AGAP1: variants seen among roughly 807,000 people sequenced by gnomAD.
AGAP1 encodes ArfGAP with GTPase domain, ankyrin repeat and PH domain 1.
AGAP1 carries 29 observed loss-of-function variants against 105.3 expected under a neutral mutation model. That is an observed-to-expected ratio of 0.28 (90% CI 0.21 to 0.38). The LOEUF (loss-of-function observed/expected upper bound fraction) is 0.38. Among genes scored for constraint, AGAP1 ranks in the 10% least tolerant of loss-of-function variants. The probability of loss-of-function intolerance (pLI) is 1.00; values close to 1 mark genes in which losing one functional copy is unlikely to be tolerated. For synonymous variants in AGAP1, 509 were observed against 485.9 expected, an observed-to-expected ratio of 1.05 and a Z score of -0.63; for missense variants, 998 against 1,165.1, an observed-to-expected ratio of 0.86 and a Z score of 2.09.
chr2:236,095,751 G>T lies in AGAP1; in HGVS notation c.2115-24441G>T, dbSNP rs2059176708. Among the ~76,000 whole-genome samples the T allele has an allele frequency of 6.6e-6, 1 of 152,162 alleles. No homozygotes were observed. The highest frequency in any genetic ancestry group is 6.5e-5 in the Admixed American group (1 of 15,274). On this transcript the variant is annotated intron_variant, in intron 16 of 17. Coordinates refer to ENST00000304032, the MANE Select transcript of AGAP1 (RefSeq NM_001037131.3). This position sits in a 1 kb window ranked among gnomAD's most constrained non-coding sequence, Gnocchi z 4.1. ...ACTTTTAAAAATTTTGACATATGAA[G>T]AAGTATATTAGTTCAGGGCTAGATT...
intron 9 of AGAP1, among the ~76,000 whole-genome samples, chr2:235,827,078 T>C (rs1559534358): frequency 6.6e-6 from 1 of 152,194 alleles, no homozygotes; most frequent in Non-Finnish European, 1.5e-5. Flanking sequence ...TAGTGCGGCT[T>C]GTGCGTCTCC....
chr2:235,684,640 A>T (rs148470517), intron 1 of AGAP1, among the ~76,000 whole-genome samples: 1,571 of 152,170 alleles, frequency 0.01, 82 homozygotes, highest in Admixed American at 0.081. Context: ...GGATCCATAC[A>T]CACTTACCTC....
intron 1 of AGAP1, among the ~76,000 whole-genome samples, chr2:235,516,055 TCTGCTGCTGCTG>T (rs112761133): frequency 0.18 from 24,501 of 138,596 alleles, 2,272 homozygotes; most frequent in East Asian, 0.31. Context: ...CATGGGCTCC[TCTGCTGCTGCTG>T]CTGCTGCTGC....
chr2:235,634,906 C>G (rs533215968), intron 1 of AGAP1, among the ~76,000 whole-genome samples: 20 of 152,204 alleles, frequency 1.3e-4, no homozygotes, highest in African/African-American at 4.1e-4. Context: ...TGTGTTTGTT[C>G]CATGTACGAG....
chr2:235,850,049 C>T (rs1962009299), intron 9 of AGAP1, among the ~76,000 whole-genome samples: 1 of 152,210 alleles, frequency 6.6e-6, no homozygotes, highest in Non-Finnish European at 1.5e-5. Flanking sequence ...CAGGTCTGGC[C>T]TGGCACCTGC....
intron 12 of AGAP1, among the ~76,000 whole-genome samples, chr2:235,955,465 C>G (rs1051127357): frequency 2.0e-5 from 3 of 152,168 alleles, no homozygotes; most frequent in Non-Finnish European, 4.4e-5. Flanking sequence ...GCCTGTGTCT[C>G]AAAAGCTGCC....
At chr2:235,766,907 A>C (rs1575393815) in intron 6 of AGAP1, among the ~76,000 whole-genome samples, 1 of 109,950 alleles carries the variant, frequency 9.1e-6, no homozygotes, top group East Asian at 2.8e-4. Flanking sequence ...ACACCGGCTA[A>C]TTTTTTTTTT....
At position 235,961,205 on chromosome 2, in the gene AGAP1, C is replaced by A. The variant is rs1227103699; in HGVS notation, c.1484-7257C>A. On this transcript the variant is annotated intron_variant, in intron 12 of 17. Coordinates refer to ENST00000304032, the MANE Select transcript of AGAP1 (RefSeq NM_001037131.3). This position sits in a 1 kb window ranked among gnomAD's most constrained non-coding sequence, Gnocchi z 5.9. Reference sequence around the variant, plus strand: ...TCCCCATGTGGAGAGAGCCACGGAGCACAGGGGGCCGGGAGGGGCTGGATG... The same window carrying A: ...TCCCCATGTGGAGAGAGCCACGGAGAACAGGGGGCCGGGAGGGGCTGGATG... Among the ~76,000 whole-genome samples the A allele has an allele frequency of 6.6e-6, 1 of 152,204 alleles. No homozygotes were observed.
chr2:235,886,306 A>G (rs953482388), intron 10 of AGAP1, among the ~76,000 whole-genome samples: 1 of 152,262 alleles, frequency 6.6e-6, no homozygotes, highest in Non-Finnish European at 1.5e-5. Flanking sequence ...GAGCTGATGG[A>G]TGATACATTT....
rs183961577 is a variant in AGAP1, at chr2:236,062,432, G to A, written c.2114+13151G>A. 2.1e-3 allele frequency among the ~76,000 whole-genome samples: 298 copies of A among 143,656 alleles called. 1 individual carries two copies. The highest frequency in any genetic ancestry group is 8.0e-3 in the African/African-American group (279 of 35,040). The allele number at this position is 143,656 out of a possible 152,430, so 94.2% of individuals were successfully genotyped here. ...GATTCTAGGAGCATACTCAGGACTC[G>A]TATTTTGTTGTTGTTGTTGTTGTTG... is the stretch of plus-strand genomic sequence containing the variant. On this transcript the variant is annotated intron_variant, in intron 16 of 17. Coordinates refer to ENST00000304032, the MANE Select transcript of AGAP1 (RefSeq NM_001037131.3). This position sits in a 1 kb window ranked among gnomAD's most constrained non-coding sequence, Gnocchi z 4.2.
chr2:236,070,268 A>G (rs1238215190), intron 16 of AGAP1, among the ~76,000 whole-genome samples: 2 of 152,206 alleles, frequency 1.3e-5, no homozygotes, highest in East Asian at 3.9e-4. Context: ...GGTTAGGGGC[A>G]GCGTCCGGAC....
At chr2:235,895,505 T>A (rs7579194) in intron 10 of AGAP1, among the ~76,000 whole-genome samples, 1,649 of 152,312 alleles carry the variant, frequency 0.011, 37 homozygotes, top group African/African-American at 0.038. Context: ...CTAACTCCTC[T>A]TTCCAATCCT....
chr2:235,575,037 C>CA (rs1394487475), intron 1 of AGAP1, among the ~76,000 whole-genome samples: 2 of 152,018 alleles, frequency 1.3e-5, no homozygotes, highest in African/African-American at 2.4e-5. Context: ...GTGGGATGAT[C>CA]GCTGGAGCTT....
At chr2:235,760,258 A>G (rs2149778216) in intron 6 of AGAP1, among the ~76,000 whole-genome samples, 1 of 152,318 alleles carries the variant, frequency 6.6e-6, no homozygotes, top group African/African-American at 2.4e-5. Flanking sequence ...GTGTGCCTGT[A>G]GTCCCGGCTA....
At chr2:236,064,494 G>C (rs182713619) in intron 16 of AGAP1, among the ~76,000 whole-genome samples, 238 of 152,338 alleles carry the variant, frequency 1.6e-3, no homozygotes, top group Middle Eastern at 0.01. Flanking sequence ...TACTCAGGAG[G>C]CTGAGGCAGG....
intron 12 of AGAP1, among the ~76,000 whole-genome samples, chr2:235,954,154 G>A (rs937201000): frequency 6.6e-6 from 1 of 151,652 alleles, no homozygotes; most frequent in Non-Finnish European, 1.5e-5. Context: ...CAGGAGAATC[G>A]CTTGAACCCG....
intron 5 of AGAP1, among the ~76,000 whole-genome samples, chr2:235,746,348 T>A (rs1016310926): frequency 6.3e-5 from 9 of 143,388 alleles, no homozygotes; most frequent in African/African-American, 2.3e-4. Flanking sequence ...GATGTTAGAG[T>A]TGGGCTTCCT....
At chr2:235,554,224 C>T (rs1321248198) in intron 1 of AGAP1, among the ~76,000 whole-genome samples, 1 of 152,242 alleles carries the variant, frequency 6.6e-6, no homozygotes, top group Non-Finnish European at 1.5e-5. Flanking sequence ...TTAGCGTGGT[C>T]CAGCCTGCCT....
At position 235,792,437 on chromosome 2, in the gene AGAP1, T is replaced by G. The variant is rs1957035573; in HGVS notation, c.674-5322T>G. Among the ~76,000 whole-genome samples the G allele has an allele frequency of 6.6e-6, 1 of 152,162 alleles. No homozygotes were observed. Among genetic ancestry groups the G allele is most frequent in the Non-Finnish European group, 1.5e-5 (1 of 68,034 alleles). On this transcript the variant is annotated intron_variant, in intron 6 of 17. Transcript: ENST00000304032. The surrounding 1 kb of genome is among the most constrained non-coding windows in gnomAD (Gnocchi z 5.3). ...TTCCCCAAACATGAAAGAGCCCAGT[T>G]TTGCTAAGGAGCTGTTGAAAAACTG... is the stretch of plus-strand genomic sequence containing the variant.
Sources: allele counts gnomAD v4.1 joint callset (sites outside exome capture counted in the v4.1 genomes callset), GRCh38; gene constraint gnomAD v4.1.1; non-coding constraint Gnocchi (gnomAD v3.1); transcripts MANE v1.5; gene names NCBI Gene and HGNC (gene_info 2026-07-23, HGNC 2026-07-21).